The following MRTFA variants were observed in gnomAD, a reference collection of about 807,000 sequenced individuals.
MRTFA encodes myocardin related transcription factor A.
Under a neutral mutation model 83.5 loss-of-function variants are expected in MRTFA, and 20 were observed. That is an observed-to-expected ratio of 0.24 (90% confidence interval 0.17 to 0.35). MRTFA has a LOEUF of 0.35. Among genes scored for constraint, MRTFA ranks in the 10% least tolerant of loss-of-function variants. The probability of loss-of-function intolerance (pLI) is 1.00; values close to 1 mark genes in which losing one functional copy is unlikely to be tolerated. For synonymous variants in MRTFA, 659 were observed against 541.2 expected, an observed-to-expected ratio of 1.22 and a Z score of -3.02; for missense variants, 1,200 against 1,224.7, an observed-to-expected ratio of 0.98 and a Z score of 0.30.
intron 3 of MRTFA, among the ~76,000 whole-genome samples, chr22:40,468,785 C>A (rs1457294850): frequency 8.5e-5 from 13 of 152,258 alleles, no homozygotes; most frequent in Non-Finnish European, 5.9e-5. Context: ...TCTCAAAAAT[C>A]TTTTCTCTTC....
intron 3 of MRTFA, among the ~76,000 whole-genome samples, chr22:40,496,032 CTCCA>C (rs2054349188): frequency 1.3e-5 from 2 of 151,470 alleles, no homozygotes; most frequent in South Asian, 4.2e-4. Context: ...CACCACTGCA[CTCCA>C]TCCCGGGCCA....
chr22:40,444,151 A>T (rs1005513382), intron 4 of MRTFA, among the ~76,000 whole-genome samples: 3 of 152,346 alleles, frequency 2.0e-5, no homozygotes, highest in African/African-American at 7.2e-5. Flanking sequence ...GAAAGAACAT[A>T]CAGAGACTCC....
At chr22:40,471,219 TAAAAAAAAAAAAAAAAA>T (rs61206773) in intron 3 of MRTFA, among the ~76,000 whole-genome samples, 2 of 42,670 alleles carry the variant, frequency 4.7e-5, no homozygotes, top group African/African-American at 2.1e-4. Flanking sequence ...CTGTTTCTAT[TAAAAAAAAAAAAAAAAA>T]AAAAAAAAAA....
chr22:40,594,444 T>C (rs765536679), intron 2 of MRTFA, among the ~76,000 whole-genome samples: 6 of 152,174 alleles, frequency 3.9e-5, no homozygotes, highest in Non-Finnish European at 7.4e-5. Flanking sequence ...AAATTTTACA[T>C]TGGTTATGTT....
At chr22:40,558,712 C>T (rs1294080483) in intron 2 of MRTFA, among the ~76,000 whole-genome samples, 1 of 151,738 alleles carries the variant, frequency 6.6e-6, no homozygotes, top group Non-Finnish European at 1.5e-5. Context: ...GAAAGCCAAC[C>T]CAAGTCCAAG....
intron 2 of MRTFA, among the ~76,000 whole-genome samples, chr22:40,586,252 C>T (rs897841135): frequency 6.9e-6 from 1 of 145,546 alleles, no homozygotes; most frequent in Non-Finnish European, 1.5e-5. Context: ...CAAACAAATA[C>T]ATCATTTGCT....
chr22:40,485,126 C>T (rs183070633), intron 3 of MRTFA, among the ~76,000 whole-genome samples: 150 of 151,810 alleles, frequency 9.9e-4, no homozygotes, highest in African/African-American at 3.4e-3. Flanking sequence ...TCCTCCATAC[C>T]ACATACCTCA....
At chr22:40,463,562 A>C (rs1179062279) in intron 3 of MRTFA, 1 of 360,010 alleles carries the variant, frequency 2.8e-6, no homozygotes, top group Admixed American at 4.5e-5. Context: ...AAAACCTCCA[A>C]AACACTGAGT....
chr22:40,633,000 G>A (rs1330095584), intron 1 of MRTFA, among the ~76,000 whole-genome samples: 1 of 151,938 alleles, frequency 6.6e-6, no homozygotes, highest in African/African-American at 2.4e-5. Context: ...TGTGTCAGTG[G>A]GTCATTCTCT....
intron 3 of MRTFA, among the ~76,000 whole-genome samples, chr22:40,541,773 T>G (rs1052812555): frequency 1.3e-5 from 2 of 151,906 alleles, no homozygotes; most frequent in African/African-American, 2.4e-5. Flanking sequence ...TTCAAGCGAT[T>G]CTCTTGCCTC....
At chr22:40,449,790 T>C (rs193266447) in intron 4 of MRTFA, among the ~76,000 whole-genome samples, 5 of 152,244 alleles carry the variant, frequency 3.3e-5, no homozygotes, top group Non-Finnish European at 5.9e-5. Flanking sequence ...TTCAGGATCA[T>C]TGCAATGCAT....
At chr22:40,500,601 G>C (rs947390719) in intron 3 of MRTFA, among the ~76,000 whole-genome samples, 1 of 151,962 alleles carries the variant, frequency 6.6e-6, no homozygotes, top group East Asian at 1.9e-4. Flanking sequence ...GACTCTTAAC[G>C]AGCATGCTGC....
intron 3 of MRTFA, among the ~76,000 whole-genome samples, chr22:40,545,685 G>T (rs1288597604): frequency 6.7e-6 from 1 of 150,202 alleles, no homozygotes; most frequent in Non-Finnish European, 1.5e-5. Context: ...CACCCACCTC[G>T]GCCTCCCAAA....
chr22:40,413,227 A>G (rs953653284), intron 14 of MRTFA, among the ~76,000 whole-genome samples: 5 of 151,024 alleles, frequency 3.3e-5, no homozygotes, highest in African/African-American at 1.2e-4. Flanking sequence ...AGGCTGGGAC[A>G]GGAGGATTGG....
At chr22:40,507,888 G>T (rs915895338) in intron 3 of MRTFA, among the ~76,000 whole-genome samples, 4 of 148,904 alleles carry the variant, frequency 2.7e-5, no homozygotes, top group African/African-American at 1.0e-4. Context: ...GCTTGAACCC[G>T]GGAGGCAGAG....
chr22:40,485,023 G>A (rs926677557), intron 3 of MRTFA, among the ~76,000 whole-genome samples: 2 of 150,556 alleles, frequency 1.3e-5, no homozygotes, highest in African/African-American at 4.9e-5. Context: ...AGTGAGAGGA[G>A]ATTGCGCCAC....
At chr22:40,613,485 C>A (rs1315339937) in intron 1 of MRTFA, among the ~76,000 whole-genome samples, 1 of 152,226 alleles carries the variant, frequency 6.6e-6, no homozygotes, top group Non-Finnish European at 1.5e-5. Flanking sequence ...TACATTCTCA[C>A]CAATTCTTGG....
rs1156428369 is a variant in MRTFA at position 40,420,559 on chromosome 22, A to T, written c.1199T>A (p.Leu400Gln). The T allele has an allele frequency of 6.2e-7, 1 of 1,613,422 alleles. No homozygotes were observed. Among genetic ancestry groups the T allele is most frequent in the East Asian group, 2.2e-5 (1 of 44,888 alleles). ...TACTGGGGGGGTCCCGCTGCTTCCC[A>T]GGGCCTCGCCTGCTGACCTGGGAAG... is the stretch of plus-strand genomic sequence containing the variant. Residue 400 changes from leucine to glutamine, a missense_variant, in exon 11 of 15, where the codon CTG (leucine) becomes CAG (glutamine). Around this residue, in one of 2 missense-constraint regions of MRTFA, gnomAD observed 1,107 missense variants for 1,041.8 expected, o/e 1.06. Coordinates refer to ENST00000355630, the MANE Select transcript of MRTFA (RefSeq NM_020831.6).
At chr22:40,424,132 C>G in intron 8 of MRTFA, 74 bp downstream of exon 8, 1 of 1,444,972 alleles carries the variant, frequency 6.9e-7, no homozygotes, top group South Asian at 1.5e-5. Flanking sequence ...CATCCCGTGG[C>G]CCAGGAGAGA....
Sources: allele counts gnomAD v4.1 joint callset (sites outside exome capture counted in the v4.1 genomes callset), GRCh38; gene constraint gnomAD v4.1.1; regional missense constraint gnomAD v4.1.1; transcripts MANE v1.5; gene names NCBI Gene and HGNC (gene_info 2026-07-23, HGNC 2026-07-21).